B4GALT5: variants seen among roughly 807,000 people sequenced by gnomAD.
The protein encoded by B4GALT5 is UDP-Gal:beta-GlcNAc beta-1,4-galactosyltransferase 5.
B4GALT5 carries 11 observed loss-of-function variants against 45.0 expected under a neutral mutation model. The observed-to-expected ratio is 0.24, with a 90% confidence interval of 0.15 to 0.40. The LOEUF (loss-of-function observed/expected upper bound fraction) is 0.40. Ranked by LOEUF, B4GALT5 falls within the 10% of genes least tolerant of loss-of-function variation. The probability of loss-of-function intolerance (pLI) is 1.00; values close to 1 mark genes in which losing one functional copy is unlikely to be tolerated. For synonymous variants in B4GALT5, 185 were observed against 182.9 expected (o/e 1.01, Z -0.09); for missense variants, 337 against 500.2 (o/e 0.67, Z 3.11).
intron 1 of B4GALT5, among the ~76,000 whole-genome samples, chr20:49,692,264 T>A (rs1600552587): frequency 6.8e-6 from 1 of 147,054 alleles, no homozygotes; most frequent in Non-Finnish European, 1.5e-5. Context: ...AAAGAAAACA[T>A]CCCAGCCTGG....
At chr20:49,712,707 G>A (rs3787328) in intron 1 of B4GALT5, among the ~76,000 whole-genome samples, 2,437 of 151,980 alleles carry the variant, frequency 0.016, 38 homozygotes, top group East Asian at 0.082. Context: ...GCTAGGAGAG[G>A]GCAGAAGTGG....
At chr20:49,697,575 CTTT>C (rs11475400) in intron 1 of B4GALT5, among the ~76,000 whole-genome samples, 13 of 143,612 alleles carry the variant, frequency 9.1e-5, no homozygotes, top group Admixed American at 1.4e-4. Context: ...GGGACATGTC[CTTT>C]TTTTTTTTTT....
At chr20:49,682,971 G>A (rs1427296747) in intron 1 of B4GALT5, among the ~76,000 whole-genome samples, 1 of 152,060 alleles carries the variant, frequency 6.6e-6, no homozygotes, top group African/African-American at 2.4e-5. Flanking sequence ...GTGTGCACCT[G>A]TAGTCCCAGC....
intron 2 of B4GALT5, among the ~76,000 whole-genome samples, chr20:49,650,920 T>C (rs936129688): frequency 6.6e-6 from 1 of 152,330 alleles, no homozygotes; most frequent in East Asian, 1.9e-4. Context: ...GCCACAGTTT[T>C]ACTTTTTAAT....
intron 1 of B4GALT5, among the ~76,000 whole-genome samples, chr20:49,709,071 T>C (rs988410173): frequency 2.0e-4 from 30 of 152,186 alleles, no homozygotes; most frequent in African/African-American, 7.2e-4. Context: ...GATGGTACCA[T>C]AAACTTATTA....
At chr20:49,656,108 C>T (rs965693417) in intron 2 of B4GALT5, among the ~76,000 whole-genome samples, 4 of 152,168 alleles carry the variant, frequency 2.6e-5, no homozygotes, top group Non-Finnish European at 4.4e-5. Context: ...GCTGCTGTTG[C>T]GGTAGGTTCT....
At chr20:49,697,291 C>A (rs551007490) in intron 1 of B4GALT5, among the ~76,000 whole-genome samples, 1 of 152,372 alleles carries the variant, frequency 6.6e-6, no homozygotes, top group South Asian at 2.1e-4. Flanking sequence ...ACCTGCTCCT[C>A]AAGCGCAGCG....
chr20:49,670,032 C>CA (rs1194247470), intron 1 of B4GALT5, among the ~76,000 whole-genome samples: 2 of 152,208 alleles, frequency 1.3e-5, no homozygotes, highest in Non-Finnish European at 2.9e-5. Context: ...TCTTGGGAAA[C>CA]AACTCAAAAT....
At chr20:49,690,789 A>T (rs2085807447) in intron 1 of B4GALT5, among the ~76,000 whole-genome samples, 1 of 152,162 alleles carries the variant, frequency 6.6e-6, no homozygotes, top group African/African-American at 2.4e-5. Context: ...TTGTTTCCTA[A>T]AATTCTATTT....
chr20:49,668,525 G>A (rs1286888612), intron 1 of B4GALT5, among the ~76,000 whole-genome samples: 2 of 133,258 alleles, frequency 1.5e-5, no homozygotes, highest in Non-Finnish European at 3.1e-5. Context: ...GGAGAAAACT[G>A]TAAATTACCT....
intron 1 of B4GALT5, among the ~76,000 whole-genome samples, chr20:49,700,958 A>G (rs573706077): frequency 6.6e-6 from 1 of 152,366 alleles, no homozygotes; most frequent in Admixed American, 6.5e-5. Flanking sequence ...CAATTAAAGA[A>G]TGTTAACTCC....
chr20:49,643,441 T>C (rs2085585220), intron 4 of B4GALT5, 85 bp downstream of exon 4: 4 of 1,525,876 alleles, frequency 2.6e-6, no homozygotes, highest in East Asian at 2.3e-5. Flanking sequence ...CAAAATGTCA[T>C]GGTTAGCTAA....
chr20:49,687,704 T>C (rs1344058813), intron 1 of B4GALT5, among the ~76,000 whole-genome samples: 1 of 152,028 alleles, frequency 6.6e-6, no homozygotes, highest in Non-Finnish European at 1.5e-5. Flanking sequence ...CCCTATAAAC[T>C]GAATATTTCT....
At chr20:49,709,613 A>G (rs2085899292) in intron 1 of B4GALT5, among the ~76,000 whole-genome samples, 1 of 152,060 alleles carries the variant, frequency 6.6e-6, no homozygotes, top group Admixed American at 6.6e-5. Flanking sequence ...CTCTACTAAA[A>G]ATACAAAAAT....
At position 49,638,891 on chromosome 20, in the gene B4GALT5, T is replaced by C. The variant is rs77276625; in HGVS notation, c.917+787A>G. Among the ~76,000 whole-genome samples, 47 of 152,324 alleles carry C rather than the reference T, an allele frequency of 3.1e-4. No individual in the cohort carries two copies. The East Asian group carries it at 8.1e-3, about 26-fold the overall frequency. On this transcript the variant is annotated intron_variant, in intron 7 of 8. Transcript: ENST00000371711. ...TTACATAAATTACAGTACATCTATATAACCGAATTAAATGGAGCCACTTAA... is the reference window on the plus strand; with the variant it reads ...TTACATAAATTACAGTACATCTATACAACCGAATTAAATGGAGCCACTTAA...
intron 1 of B4GALT5, among the ~76,000 whole-genome samples, chr20:49,703,730 A>AAAAAAAATAATACT (rs60147049): frequency 6.9e-6 from 1 of 144,550 alleles, no homozygotes; most frequent in South Asian, 2.1e-4. Flanking sequence ...TTCTACTAAA[A>AAAAAAAATAATACT]AAAAAAAAAA....
chr20:49,690,459 G>C (rs1338634542), intron 1 of B4GALT5, among the ~76,000 whole-genome samples: 1 of 151,000 alleles, frequency 6.6e-6, no homozygotes, highest in Non-Finnish European at 1.5e-5. Flanking sequence ...TGAGGCAGGA[G>C]AATCACTTGA....
intron 1 of B4GALT5, among the ~76,000 whole-genome samples, chr20:49,671,109 T>C (rs568031680): frequency 1.9e-3 from 296 of 152,328 alleles, no homozygotes; most frequent in African/African-American, 6.7e-3. Flanking sequence ...CCAGGCACGG[T>C]GGCTCATGCC....
intron 1 of B4GALT5, among the ~76,000 whole-genome samples, chr20:49,705,419 T>C (rs2085879786): frequency 1.3e-5 from 2 of 152,208 alleles, no homozygotes; most frequent in Admixed American, 1.3e-4. Context: ...CTCCCTTCCT[T>C]AGTGACAATG....
Sources: gnomAD v4.1 joint callset for allele counts (sites outside exome capture counted in the v4.1 genomes callset) on GRCh38, gnomAD v4.1.1 for gene constraint, MANE v1.5 for transcripts, NCBI Gene and HGNC (gene_info 2026-07-23, HGNC 2026-07-21) for gene names.